PSME3IP1: variants seen among roughly 807,000 people sequenced by gnomAD.
PSME3IP1 encodes the protein PSME3-interacting protein.
A neutral mutation model predicts 34.1 loss-of-function variants in PSME3IP1; 13 were observed. The ratio of observed to expected loss-of-function variants is 0.38; its 90% CI spans 0.25 to 0.61. The LOEUF (loss-of-function observed/expected upper bound fraction) is 0.61, where lower values mean the gene tolerates loss of function less well. PSME3IP1 is among the 20% of genes least tolerant of loss of function. PSME3IP1 has a pLI of 0.60. For missense variants in PSME3IP1, 237 were observed against 301.4 expected (o/e 0.79, Z 1.58); for synonymous variants, 93 against 114.3 (o/e 0.81, Z 1.19).
At chr16:57,168,428 T>C (rs1356290529) in intron 4 of PSME3IP1, among the ~76,000 whole-genome samples, 1 of 152,200 alleles carries the variant, frequency 6.6e-6, no homozygotes, top group East Asian at 1.9e-4. Context: ...TAATGCTTAG[T>C]ACTATTATGA....
intron 1 of PSME3IP1, among the ~76,000 whole-genome samples, chr16:57,177,483 T>C (rs1198216757): frequency 6.6e-6 from 1 of 151,924 alleles, no homozygotes; most frequent in East Asian, 1.9e-4. Flanking sequence ...TGAGCCACTG[T>C]GCCCGGCCTA....
In PSME3IP1 at chr16:57,153,950, A is replaced by G. The variant is rs1347275023; in HGVS notation, c.*340T>C. 1.1e-5 allele frequency: 3 copies of G among 274,142 alleles called. No homozygotes were observed. Among genetic ancestry groups the G allele is most frequent in the Non-Finnish European group, 2.1e-5 (3 of 143,312 alleles). 17.0% of individuals were successfully genotyped at this position (274,142 alleles called of 1,614,324 possible). Reference sequence around the variant, plus strand: ...TGCTGTCGGGAAAAGAAAAAACAGAAAGCAATAAAACCCAAACCCTTTGGC... The same window carrying G: ...TGCTGTCGGGAAAAGAAAAAACAGAGAGCAATAAAACCCAAACCCTTTGGC... On this transcript the variant is annotated 3_prime_UTR_variant, in exon 7 of 7. Transcript: ENST00000309137.
At chr16:57,183,106 T>C (rs374301248) in intron 1 of PSME3IP1, among the ~76,000 whole-genome samples, 1 of 152,152 alleles carries the variant, frequency 6.6e-6, no homozygotes, top group African/African-American at 2.4e-5. Context: ...AAAGGAAGAC[T>C]AGAATAAGCA....
At chr16:57,166,071 C>G (rs1216122713) in intron 5 of PSME3IP1, among the ~76,000 whole-genome samples, 1 of 152,250 alleles carries the variant, frequency 6.6e-6, no homozygotes, top group East Asian at 1.9e-4. Flanking sequence ...CTCCTCCCCT[C>G]TGTTGCTATA....
At chr16:57,160,269 C>G (rs1458460722) in intron 6 of PSME3IP1, among the ~76,000 whole-genome samples, 1 of 150,740 alleles carries the variant, frequency 6.6e-6, no homozygotes, top group Non-Finnish European at 1.5e-5. Context: ...CGCAGTCCGG[C>G]CTGGGCGACA....
Position 57,164,037 on chromosome 16 carries a change from G to A in PSME3IP1, c.511C>T (p.Leu171=). The A allele has an allele frequency of 6.2e-7, 1 of 1,614,164 alleles. No individual in the cohort carries two copies. Among genetic ancestry groups the A allele is most frequent in the Non-Finnish European group, 8.5e-7 (1 of 1,180,028 alleles). The change falls in exon 6 of 7, where the codon CTG becomes TTG. Residue 171 remains leucine (L), a synonymous_variant. Transcript: ENST00000309137. The stretch of plus-strand genomic sequence containing the variant: ...TCATCTGGCTCAGGGTCCGGTTTCA[G>A]TCTTTTCACACTGTTGCCACTCTCT... ...SSESGNSVKR[L]KPDPEPDDKN... is the part of the protein sequence containing the mutation.
At chr16:57,174,857 G>A (rs73551501) in intron 1 of PSME3IP1, 9,565 of 205,402 alleles carry the variant, frequency 0.047, 267 homozygotes, top group African/African-American at 0.076. Context: ...TTTAAGATTT[G>A]AACTTCAATC....
intron 6 of PSME3IP1, among the ~76,000 whole-genome samples, chr16:57,156,012 A>G (rs1164736086): frequency 6.6e-6 from 1 of 152,128 alleles, no homozygotes; most frequent in Non-Finnish European, 1.5e-5. Context: ...AAAGAAAGAA[A>G]GAAGGAGGAG....
chr16:57,173,223 G>A (rs1443092159), intron 2 of PSME3IP1, among the ~76,000 whole-genome samples: 1 of 152,198 alleles, frequency 6.6e-6, no homozygotes, highest in African/African-American at 2.4e-5. Flanking sequence ...CTCTTGGAAG[G>A]AAGTGTGGTA....
intron 1 of PSME3IP1, chr16:57,174,662 A>G (rs569982614): frequency 1.8e-5 from 18 of 985,466 alleles, no homozygotes; most frequent in Middle Eastern, 1.0e-3. Context: ...AATCTCAGCT[A>G]TTGAAGACTT....
rs1470764582 is a variant in PSME3IP1 at position 57,154,121 on chromosome 16, G to A, written c.*169C>T. On this transcript the variant is annotated 3_prime_UTR_variant, in exon 7 of 7. Transcript: ENST00000309137. This position sits in a 1 kb window ranked among gnomAD's most constrained non-coding sequence, Gnocchi z 4.0. The stretch of plus-strand genomic sequence containing the variant: ...TAGAAAGAGGAACCAAACACGATTC[G>A]GGCCACAGGTGGATTCTGGCACATT... 2.1e-5 allele frequency: 13 copies of A among 613,534 alleles called. No homozygotes were observed. The highest frequency in any genetic ancestry group is 1.5e-4 in the Admixed American group (5 of 33,308). 38.0% of individuals were successfully genotyped at this position (613,534 alleles called of 1,614,324 possible).
chr16:57,157,328 AAAAAG>A (rs1397707884), intron 6 of PSME3IP1, among the ~76,000 whole-genome samples: 2 of 151,320 alleles, frequency 1.3e-5, no homozygotes, highest in East Asian at 3.9e-4. Flanking sequence ...AAAAAAAAAA[AAAAAG>A]AAGAAGAAGA....
intron 6 of PSME3IP1, among the ~76,000 whole-genome samples, chr16:57,156,209 G>GAA (rs2070505970): frequency 6.6e-6 from 1 of 152,216 alleles, no homozygotes; most frequent in Non-Finnish European, 1.5e-5. Context: ...GCTTAGGGCA[G>GAA]AAAATGTGAA....
chr16:57,176,002 C>CA (rs562197822), intron 1 of PSME3IP1, among the ~76,000 whole-genome samples: 119 of 152,304 alleles, frequency 7.8e-4, no homozygotes, highest in South Asian at 7.0e-3. Flanking sequence ...AATCAACTGA[C>CA]AGACGCTGTT....
intron 6 of PSME3IP1, among the ~76,000 whole-genome samples, chr16:57,156,258 AC>A (rs1434953486): frequency 2.0e-5 from 3 of 152,222 alleles, no homozygotes; most frequent in Non-Finnish European, 4.4e-5. Flanking sequence ...GAAAATGATA[AC>A]CTGAGCTCAC....
At chr16:57,169,934 T>C (rs1165560666) in intron 4 of PSME3IP1, among the ~76,000 whole-genome samples, 2 of 152,048 alleles carry the variant, frequency 1.3e-5, no homozygotes, top group Non-Finnish European at 2.9e-5. Context: ...GATTGAGGTA[T>C]AACTTCCCAT....
intron 1 of PSME3IP1, among the ~76,000 whole-genome samples, chr16:57,183,029 T>C (rs77354122): frequency 0.029 from 4,436 of 152,272 alleles, 235 homozygotes; most frequent in African/African-American, 0.1. Context: ...GACATAAGGT[T>C]GGCACACAGC....
chr16:57,182,953 T>C (rs752016983), intron 1 of PSME3IP1, among the ~76,000 whole-genome samples: 16 of 152,062 alleles, frequency 1.1e-4, no homozygotes, highest in Non-Finnish European at 2.2e-4. Flanking sequence ...CGAGAACCTA[T>C]TATGTGCAAG....
At chr16:57,180,599 GA>G (rs372578969) in intron 1 of PSME3IP1, among the ~76,000 whole-genome samples, 115 of 130,304 alleles carry the variant, frequency 8.8e-4, no homozygotes, top group Non-Finnish European at 1.1e-3. Context: ...CTCAGAAAAA[GA>G]AAAAAAAAAA....
Sources: allele counts gnomAD v4.1 joint callset (sites outside exome capture counted in the v4.1 genomes callset), GRCh38; gene constraint gnomAD v4.1.1; non-coding constraint Gnocchi (gnomAD v3.1); transcripts MANE v1.5; gene names NCBI Gene and HGNC (gene_info 2026-07-23, HGNC 2026-07-21).